DSG4: variants seen among roughly 807,000 people sequenced by gnomAD.
The protein encoded by DSG4 is desmoglein 4.
A neutral mutation model predicts 93.1 loss-of-function variants in DSG4; 87 were observed. The ratio of observed to expected loss-of-function variants is 0.93; its 90% CI spans 0.79 to 1.12. DSG4 has a LOEUF of 1.12. Among genes scored for constraint, DSG4 ranks in the 50% most tolerant of loss-of-function variants. DSG4 has a pLI of 0.00. For synonymous variants in DSG4, 432 were observed against 452.9 expected (o/e 0.95, Z 0.59); for missense variants, 1,373 against 1,285.7 (o/e 1.07, Z -1.04).
Position 31,406,149 on chromosome 18 carries a change from A to T in DSG4, c.1709A>T (p.Asp570Val). 6.2e-7 allele frequency: 1 copy of T among 1,614,158 alleles called. No individual in the cohort carries two copies. Among genetic ancestry groups the T allele is most frequent in the Admixed American group, 1.7e-5 (1 of 60,016 alleles). ...GFYEIPILVKDSYNRACELAQ... is the reference protein window; with the variant it reads ...GFYEIPILVKVSYNRACELAQ... ...TATGAAATCCCAATCCTGGTGAAGG[A>T]CAGCTATAACAGAGCATGTGAATTG... Residue 570 changes from aspartate to valine, a missense_variant, in exon 12 of 16, where the codon GAC becomes GTC. Transcript: ENST00000308128.
intron 1 of DSG4, among the ~76,000 whole-genome samples, chr18:31,381,948 C>T (rs902286982): frequency 6.6e-6 from 1 of 152,008 alleles, no homozygotes; most frequent in Non-Finnish European, 1.5e-5. Context: ...GGATTACAGG[C>T]ATAAGCCACC....
intron 12 of DSG4, among the ~76,000 whole-genome samples, chr18:31,407,315 C>T (rs778863706): frequency 4.6e-5 from 7 of 152,112 alleles, no homozygotes; most frequent in South Asian, 4.1e-4. Context: ...GGCTGATGAG[C>T]GCAGGTGACC....
At chr18:31,402,716 T>A (rs77139544) in intron 10 of DSG4, among the ~76,000 whole-genome samples, 12 of 145,642 alleles carry the variant, frequency 8.2e-5, no homozygotes, top group Admixed American at 7.6e-4. Context: ...GCAAAAAAAA[T>A]TCCGTATTCG....
In DSG4 at chr18:31,388,902, G is replaced by A. The variant is rs186165345; in HGVS notation, c.401G>A (p.Gly134Asp). The A allele has an allele frequency of 9.3e-6, 15 of 1,613,644 alleles. No homozygotes were observed. In the East Asian group the frequency reaches 2.0e-4, roughly 22 times the overall value. Residue 134 changes from glycine to aspartate, a missense_variant, in exon 5 of 16, where the codon GGT (glycine) becomes GAT (aspartate). Coordinates refer to ENST00000308128, the MANE Select transcript of DSG4 (RefSeq NM_177986.5). ...LIYCRALNSRGEDLERPLELR... is the reference protein window; with the variant it reads ...LIYCRALNSRDEDLERPLELR... ...TATTGCCGGGCTCTGAATTCACGGG[G>A]TGAAGATTTAGAAAGGCCTCTTGAG...
chr18:31,409,383 A>G, intron 12 of DSG4, 69 bp from the exon 13 acceptor site: 10 of 1,610,446 alleles, frequency 6.2e-6, no homozygotes, highest in Non-Finnish European at 8.5e-6. Context: ...GCTCCCCAGA[A>G]TGATTCATCC....
chr18:31,386,657 C>CAGG (rs1393780222), intron 2 of DSG4, 31 bp from the exon 3 acceptor site: 2 of 1,611,760 alleles, frequency 1.2e-6, no homozygotes, highest in African/African-American at 2.7e-5. Flanking sequence ...TGTTCTCACA[C>CAGG]TGTAAGACAC....
At chr18:31,389,446 G>A (rs769663378) in intron 5 of DSG4, among the ~76,000 whole-genome samples, 7 of 152,112 alleles carry the variant, frequency 4.6e-5, no homozygotes, top group Non-Finnish European at 8.8e-5. Flanking sequence ...ATCACTAAGG[G>A]TAATCATTGA....
At position 31,414,797 on chromosome 18, in the gene DSG4, C is replaced by G. The variant is rs2072538288; in HGVS notation, c.*1202C>G. ...TGACTTGAGAAAAAGAATCTCTAGC[C>G]AGGTAATTTTACTTAATTCTGTAAA... is the stretch of plus-strand genomic sequence containing the variant. On this transcript the variant is annotated 3_prime_UTR_variant, in exon 16 of 16. Transcript: ENST00000308128. The G allele has an allele frequency of 2.6e-5, 4 of 152,144 alleles. No homozygotes were observed. The highest frequency in any genetic ancestry group is 2.6e-4 in the Admixed American group (4 of 15,274). 9.4% of individuals were successfully genotyped at this position (152,144 alleles called of 1,614,324 possible). A position where few individuals can be genotyped will look rare whatever the true frequency, so the allele number is the denominator to read the frequency against.
rs1027633098 is a variant in DSG4, at chr18:31,412,678, T to C, written c.2356-150T>C. On this transcript the variant is annotated intron_variant, in intron 15 of 15. Coordinates refer to ENST00000308128, the MANE Select transcript of DSG4 (RefSeq NM_177986.5). ...AATGCTATCACAGAATGTGCATGGA[T>C]AGTATCAATTATTTTAATGAGTGAT... is the stretch of plus-strand genomic sequence containing the variant. The C allele has an allele frequency of 1.5e-5, 12 of 777,932 alleles. No individual in the cohort carries two copies. The African/African-American group carries it at 1.7e-4, about 11-fold the overall frequency. The allele number at this position is 777,932 out of a possible 1,614,324, so 48.2% of individuals were successfully genotyped here.
intron 10 of DSG4, among the ~76,000 whole-genome samples, chr18:31,402,859 C>T (rs2072383493): frequency 6.6e-6 from 1 of 152,132 alleles, no homozygotes; most frequent in Admixed American, 6.6e-5. Context: ...ATCTAATAGA[C>T]TTATATTTGT....
intron 15 of DSG4, 66 bp from the exon 16 acceptor site, chr18:31,412,762 T>A: frequency 1.3e-6 from 2 of 1,546,254 alleles, no homozygotes; most frequent in Non-Finnish European, 1.8e-6. Flanking sequence ...TCTGAGGGAT[T>A]GCTGTTATTC....
chr18:31,409,306 T>C, intron 12 of DSG4, 146 bp from the exon 13 acceptor site: 1 of 1,251,148 alleles, frequency 8.0e-7, no homozygotes, highest in Non-Finnish European at 1.1e-6. Flanking sequence ...CTCAATCCCC[T>C]AAAGGAAAAA....
intron 1 of DSG4, among the ~76,000 whole-genome samples, chr18:31,377,399 A>G (rs770466033): frequency 1.3e-5 from 2 of 152,332 alleles, no homozygotes; most frequent in Non-Finnish European, 2.9e-5. Flanking sequence ...TGGAGGAATG[A>G]TAGCCATGTT....
intron 8 of DSG4, among the ~76,000 whole-genome samples, chr18:31,395,172 T>C (rs1345905637): frequency 6.6e-6 from 1 of 151,894 alleles, no homozygotes; most frequent in Non-Finnish European, 1.5e-5. Context: ...TGCATACAAT[T>C]ATAAATATGA....
chr18:31,411,510 A>G (rs2072492796), intron 15 of DSG4, 62 bp downstream of exon 15: 21 of 1,570,034 alleles, frequency 1.3e-5, no homozygotes, highest in Non-Finnish European at 1.8e-5. Context: ...ATAGTAAAAT[A>G]CTCACAATGG....
chr18:31,405,157 A>G (rs770980912), intron 11 of DSG4, among the ~76,000 whole-genome samples: 3 of 152,230 alleles, frequency 2.0e-5, no homozygotes, highest in Non-Finnish European at 4.4e-5. Context: ...CTATGGATCA[A>G]TCAGTTACTA....
rs80274454 is a variant in DSG4 at position 31,378,723 on chromosome 18, C to G, written c.48+1764C>G. Among the ~76,000 whole-genome samples the G allele has an allele frequency of 2.6e-3, 403 of 152,144 alleles. 3 individuals carry two copies. Among genetic ancestry groups the G allele is most frequent in the African/African-American group, 9.2e-3 (380 of 41,512 alleles). On this transcript the variant is annotated intron_variant, in intron 1 of 15. Coordinates refer to ENST00000308128, the MANE Select transcript of DSG4 (RefSeq NM_177986.5). ...TTTTCTTTATGCTTGTCTAAAAGATCCCTTACCATATCAATTAATAGTGTC... is the reference window on the plus strand; with the variant it reads ...TTTTCTTTATGCTTGTCTAAAAGATGCCTTACCATATCAATTAATAGTGTC...
chr18:31,389,124 C>A, intron 5 of DSG4, 106 bp downstream of exon 5: 1 of 1,321,378 alleles, frequency 7.6e-7, no homozygotes, highest in Non-Finnish European at 1.1e-6. Flanking sequence ...GAAAAAGCCA[C>A]ACTTGTATTT....
chr18:31,399,504 C>G lies in DSG4; in HGVS notation c.1238C>G (p.Ala413Gly). The G allele has an allele frequency of 6.2e-7, 1 of 1,613,996 alleles. No homozygotes were observed. Among genetic ancestry groups the G allele is most frequent in the Non-Finnish European group, 8.5e-7 (1 of 1,179,944 alleles). The change falls in exon 9 of 16, where the codon GCC becomes GGC. Residue 413 changes from alanine (A) to glycine (G), a missense_variant. Ala to Gly is a moderately conservative substitution (Grantham distance 60, BLOSUM62 0). Transcript: ENST00000308128. ...LLNYVLGTYTAIDLDTGNPAT... is the reference protein window; with the variant it reads ...LLNYVLGTYTGIDLDTGNPAT... ...AATTATGTGCTTGGCACATATACAGCCATAGATTTGGACACAGGAAACCCT... is the reference window on the plus strand; with the variant it reads ...AATTATGTGCTTGGCACATATACAGGCATAGATTTGGACACAGGAAACCCT...
Sources: allele counts gnomAD v4.1 joint callset (sites outside exome capture counted in the v4.1 genomes callset), GRCh38; gene constraint gnomAD v4.1.1; transcripts MANE v1.5; gene names NCBI Gene and HGNC (gene_info 2026-07-23, HGNC 2026-07-21).